RBMS3: variants seen among roughly 807,000 people sequenced by gnomAD.
The protein encoded by RBMS3 is RNA-binding motif, single-stranded-interacting protein 3.
In RBMS3, 27 loss-of-function variants were observed where a neutral mutation model predicts 66.8. That is an observed-to-expected ratio of 0.40 (90% CI 0.30 to 0.56). RBMS3 has a LOEUF of 0.56. Among genes scored for constraint, RBMS3 ranks in the 20% least tolerant of loss-of-function variants. RBMS3 has a pLI of 0.40. For synonymous variants in RBMS3, 188 were observed against 183.0 expected (o/e 1.03, Z -0.22); for missense variants, 513 against 549.5 (o/e 0.93, Z 0.66).
chr3:29,980,098 T>C (rs1485991307), intron 12 of RBMS3, among the ~76,000 whole-genome samples: 1 of 152,226 alleles, frequency 6.6e-6, no homozygotes, highest in Non-Finnish European at 1.5e-5. Flanking sequence ...TAGCATCTGT[T>C]GTTTCATGAG....
Position 29,997,142 on chromosome 3 carries a change from C to T in RBMS3, c.1307+5933C>T, listed in dbSNP as rs533632987. On this transcript the variant is annotated intron_variant, in intron 14 of 14. Transcript: ENST00000383767. Reference sequence around the variant, plus strand: ...CCATCAGAGAATACTACAAACACCTCTACGCAAATAAACTAGAAAATCTAG... The same window carrying T: ...CCATCAGAGAATACTACAAACACCTTTACGCAAATAAACTAGAAAATCTAG... 6.4e-4 allele frequency among the ~76,000 whole-genome samples: 97 copies of T among 151,946 alleles called. 1 individual carries two copies. In the South Asian group the frequency reaches 7.9e-3, roughly 12 times the overall value.
At chr3:29,475,541 C>T (rs900687349) in intron 2 of RBMS3, among the ~76,000 whole-genome samples, 7 of 152,126 alleles carry the variant, frequency 4.6e-5, no homozygotes, top group East Asian at 3.9e-4. Context: ...TGAATCACTG[C>T]GCCCAGCCAA....
chr3:29,764,586 G>A (rs1050467539), intron 6 of RBMS3, among the ~76,000 whole-genome samples: 2 of 151,898 alleles, frequency 1.3e-5, no homozygotes, highest in African/African-American at 2.4e-5. Flanking sequence ...TAGAAATTAT[G>A]AATGATTCAA....
chr3:29,288,875 C>A (rs1456683949), intron 1 of RBMS3, among the ~76,000 whole-genome samples: 1 of 151,952 alleles, frequency 6.6e-6, no homozygotes, highest in African/African-American at 2.4e-5. Flanking sequence ...AGGGAAATAA[C>A]TCCCCAAGGG....
chr3:29,788,110 G>GT (rs879489956), intron 6 of RBMS3, among the ~76,000 whole-genome samples: 2 of 150,354 alleles, frequency 1.3e-5, no homozygotes, highest in African/African-American at 2.5e-5. Flanking sequence ...AATCCCAAAC[G>GT]TATGTTTATA....
intron 6 of RBMS3, among the ~76,000 whole-genome samples, chr3:29,866,629 T>G (rs2059369995): frequency 6.6e-6 from 1 of 152,210 alleles, no homozygotes; most frequent in African/African-American, 2.4e-5. Context: ...AGTTTTGGAA[T>G]CTCACAGGAA....
At position 29,497,994 on chromosome 3, in the gene RBMS3, T is replaced by A. The variant is rs2043822550; in HGVS notation, c.307+9495T>A. 9.4e-5 allele frequency among the ~76,000 whole-genome samples: 10 copies of A among 106,212 alleles called. 1 individual carries two copies. In the South Asian group the frequency reaches 3.6e-3, roughly 38 times the overall value. The allele number at this position is 106,212 out of a possible 152,430, so 69.7% of individuals were successfully genotyped here. A position where few individuals can be genotyped will look rare whatever the true frequency, so the allele number is the denominator to read the frequency against. ...ATTCATTTTTTTTTTTTTTTTTTTT[T>A]TTTTTTTTTTTTTTTTGGGAGACAG... On this transcript the variant is annotated intron_variant, in intron 3 of 14. Coordinates refer to ENST00000383767, the MANE Select transcript of RBMS3 (RefSeq NM_001003793.3).
Position 29,924,237 on chromosome 3 carries a change from T to A in RBMS3, c.940-11849T>A, listed in dbSNP as rs117859709. On this transcript the variant is annotated intron_variant, in intron 10 of 14. Coordinates refer to ENST00000383767, the MANE Select transcript of RBMS3 (RefSeq NM_001003793.3). ...GCCACAACCCCACCGGAAAAATGGA[T>A]GTCACATTCCTTGCTCATTTATTAT... 5.9e-5 allele frequency among the ~76,000 whole-genome samples: 9 copies of A among 152,290 alleles called. No individual in the cohort carries two copies. The East Asian group carries it at 1.7e-3, about 29-fold the overall frequency.
chr3:29,644,402 G>T (rs1268499896), intron 4 of RBMS3, among the ~76,000 whole-genome samples: 1 of 152,144 alleles, frequency 6.6e-6, no homozygotes, highest in Non-Finnish European at 1.5e-5. Context: ...GGGCTGCATA[G>T]TTTGGGTGTG....
intron 12 of RBMS3, among the ~76,000 whole-genome samples, chr3:29,977,229 T>C (rs777205810): frequency 4.6e-5 from 7 of 152,172 alleles, no homozygotes; most frequent in Non-Finnish European, 1.0e-4. Context: ...CAAATTAGTT[T>C]GATCAATTAT....
chr3:29,597,108 A>G (rs1018229920), intron 4 of RBMS3, among the ~76,000 whole-genome samples: 4 of 152,174 alleles, frequency 2.6e-5, no homozygotes, highest in Admixed American at 2.6e-4. Context: ...TAACTCTTAT[A>G]TTTTAGAAGT....
chr3:29,507,455 T>C (rs1289122675), intron 3 of RBMS3, among the ~76,000 whole-genome samples: 1 of 151,754 alleles, frequency 6.6e-6, no homozygotes, highest in South Asian at 2.1e-4. Context: ...GTTAAGACTC[T>C]GAGGCAGCAT....
chr3:29,768,592 C>T (rs1442653250), intron 6 of RBMS3, among the ~76,000 whole-genome samples: 6 of 151,874 alleles, frequency 4.0e-5, no homozygotes, highest in Non-Finnish European at 8.8e-5. Flanking sequence ...CTAGTTTCTT[C>T]ACTTTTCCAC....
chr3:29,281,487 C>A lies in RBMS3; in HGVS notation c.-195C>A. 2.4e-6 allele frequency: 1 copy of A among 410,342 alleles called. No individual in the cohort carries two copies. The highest frequency in any genetic ancestry group is 4.3e-6 in the Non-Finnish European group (1 of 234,050). 25.4% of individuals were successfully genotyped at this position (410,342 alleles called of 1,614,324 possible). A position where few individuals can be genotyped will look rare whatever the true frequency, so the allele number is the denominator to read the frequency against. ...CTCACTCCTCGCCCTTTTTTTTTTT[C>A]CTTTGGTGTGTGTTTTTTGTTTTGT... is the stretch of plus-strand genomic sequence containing the variant. On this transcript the variant is annotated 5_prime_UTR_variant, in exon 1 of 15. Transcript: ENST00000383767.
At chr3:29,388,844 G>A (rs992512107) in intron 1 of RBMS3, among the ~76,000 whole-genome samples, 18 of 152,122 alleles carry the variant, frequency 1.2e-4, no homozygotes, top group Admixed American at 2.0e-4. Flanking sequence ...GATTACAGGC[G>A]TGAGTCACTG....
chr3:29,405,132 A>T (rs1032842886), intron 1 of RBMS3, among the ~76,000 whole-genome samples: 1 of 152,182 alleles, frequency 6.6e-6, no homozygotes, highest in African/African-American at 2.4e-5. Flanking sequence ...CATAGATTTT[A>T]AAAAGTTCTT....
chr3:29,516,847 A>G (rs1425531222), intron 3 of RBMS3, among the ~76,000 whole-genome samples: 2 of 152,224 alleles, frequency 1.3e-5, no homozygotes, highest in African/African-American at 4.8e-5. Flanking sequence ...TTTAAGAATG[A>G]AAGGAGATGT....
intron 2 of RBMS3, among the ~76,000 whole-genome samples, chr3:29,482,934 C>G (rs958028625): frequency 1.2e-4 from 18 of 151,712 alleles, no homozygotes; most frequent in Non-Finnish European, 2.5e-4. Context: ...TCTCGAACTC[C>G]TAACCTCGTG....
chr3:29,419,262 C>A (rs2040604757), intron 1 of RBMS3, among the ~76,000 whole-genome samples: 1 of 152,126 alleles, frequency 6.6e-6, no homozygotes, highest in African/African-American at 2.4e-5. Context: ...ATTAACCCCA[C>A]CTGTATAAAC....
Sources: allele counts gnomAD v4.1 joint callset (sites outside exome capture counted in the v4.1 genomes callset), GRCh38; gene constraint gnomAD v4.1.1; transcripts MANE v1.5; gene names NCBI Gene and HGNC (gene_info 2026-07-23, HGNC 2026-07-21).